Variants in SH3GL3 observed in about 807,000 individuals in gnomAD.
SH3GL3 encodes the protein endophilin-A3.
SH3GL3 carries 33 observed loss-of-function variants against 47.7 expected under a neutral mutation model. That is an observed-to-expected ratio of 0.69 (90% CI 0.52 to 0.92). The LOEUF is 0.92. SH3GL3 is among the 40% of genes least tolerant of loss of function. The pLI, the probability that SH3GL3 is intolerant of heterozygous loss-of-function variation, is 0.00. For synonymous variants in SH3GL3, 155 were observed against 148.8 expected (o/e 1.04, Z -0.30); for missense variants, 363 against 417.8 (o/e 0.87, Z 1.14).
chr15:83,491,537 A>C (rs1207208554), intron 1 of SH3GL3, among the ~76,000 whole-genome samples: 1 of 152,202 alleles, frequency 6.6e-6, no homozygotes, highest in Non-Finnish European at 1.5e-5. Context: ...GCTAAAGTGT[A>C]AATAGATTCA....
intron 1 of SH3GL3, among the ~76,000 whole-genome samples, chr15:83,465,362 A>G (rs1295213092): frequency 6.6e-6 from 1 of 151,764 alleles, no homozygotes; most frequent in Non-Finnish European, 1.5e-5. Flanking sequence ...ATCTCAGACC[A>G]TGTCATTCTT....
At chr15:83,610,638 G>C (rs113735083) in intron 8 of SH3GL3, among the ~76,000 whole-genome samples, 3 of 152,276 alleles carry the variant, frequency 2.0e-5, no homozygotes, top group African/African-American at 7.2e-5. Context: ...GATCAAGAAC[G>C]TGGACTCTCT....
chr15:83,508,284 AG>A (rs1228513255), intron 1 of SH3GL3, among the ~76,000 whole-genome samples: 1 of 151,968 alleles, frequency 6.6e-6, no homozygotes, highest in African/African-American at 2.4e-5. Context: ...TCTCATTGAG[AG>A]GGGGACATTT....
chr15:83,451,092 G>T, intron 1 of SH3GL3, among the ~76,000 whole-genome samples: 1 of 93,126 alleles, frequency 1.1e-5, no homozygotes, highest in Non-Finnish European at 2.1e-5. Context: ...TACTGAGAAT[G>T]ATGATTTCCA....
chr15:83,528,384 C>T (rs1472101391), intron 1 of SH3GL3, among the ~76,000 whole-genome samples: 4 of 152,126 alleles, frequency 2.6e-5, no homozygotes, highest in Admixed American at 6.5e-5. Flanking sequence ...TTGTTGAATA[C>T]GTTTTCTATG....
At chr15:83,521,276 C>T (rs928802936) in intron 1 of SH3GL3, among the ~76,000 whole-genome samples, 5 of 152,118 alleles carry the variant, frequency 3.3e-5, no homozygotes, top group South Asian at 2.1e-4. Flanking sequence ...ATACAGGAAC[C>T]GTGCTAAGTA....
chr15:83,589,032 T>C (rs1056446535), intron 8 of SH3GL3, among the ~76,000 whole-genome samples: 3 of 152,214 alleles, frequency 2.0e-5, no homozygotes, highest in Admixed American at 6.5e-5. Flanking sequence ...TTTTTAACTC[T>C]TTGAAAATAT....
chr15:83,608,886 C>T (rs1182636221), intron 8 of SH3GL3, among the ~76,000 whole-genome samples: 2 of 152,046 alleles, frequency 1.3e-5, no homozygotes, highest in African/African-American at 4.8e-5. Context: ...GCATGGACTC[C>T]CCTCATCAAT....
intron 1 of SH3GL3, among the ~76,000 whole-genome samples, chr15:83,501,101 G>A (rs1236141038): frequency 2.0e-5 from 3 of 152,152 alleles, no homozygotes; most frequent in African/African-American, 4.8e-5. Context: ...TTCACCTGAC[G>A]TTTTTAGTGT....
chr15:83,512,232 G>A (rs1216453101), intron 1 of SH3GL3, among the ~76,000 whole-genome samples: 2 of 152,048 alleles, frequency 1.3e-5, no homozygotes, highest in East Asian at 1.9e-4. Flanking sequence ...GGGTGAGATC[G>A]CTTTTCTGTA....
At chr15:83,613,576 G>C (rs188379196) in intron 8 of SH3GL3, among the ~76,000 whole-genome samples, 1 of 152,214 alleles carries the variant, frequency 6.6e-6, no homozygotes, top group Admixed American at 6.5e-5. Flanking sequence ...AAGCATTTTG[G>C]TCATTGCAGG....
intron 1 of SH3GL3, among the ~76,000 whole-genome samples, chr15:83,507,675 A>G (rs1208566582): frequency 6.6e-6 from 1 of 151,936 alleles, no homozygotes; most frequent in African/African-American, 2.4e-5. Context: ...CTGGCTTCCA[A>G]AAGTGCTGGG....
chr15:83,453,398 G>T (rs2039868133), intron 1 of SH3GL3, among the ~76,000 whole-genome samples: 2 of 90,752 alleles, frequency 2.2e-5, no homozygotes, highest in African/African-American at 4.3e-5. Flanking sequence ...GTTCCTCCTT[G>T]TACCTCTGGT....
chr15:83,619,340 G>A (rs1196764363), downstream of SH3GL3, among the ~76,000 whole-genome samples: 1 of 152,102 alleles, frequency 6.6e-6, no homozygotes, highest in African/African-American at 2.4e-5. Flanking sequence ...AAATTCTGGG[G>A]GTTTCCCAGT....
intron 8 of SH3GL3, among the ~76,000 whole-genome samples, chr15:83,605,582 A>T (rs2060493567): frequency 6.8e-6 from 1 of 147,298 alleles, no homozygotes; most frequent in South Asian, 2.1e-4. Context: ...AAAGAACATA[A>T]GTCAATTAAG....
intron 1 of SH3GL3, among the ~76,000 whole-genome samples, chr15:83,480,424 G>T (rs1478629458): frequency 6.6e-6 from 1 of 152,224 alleles, no homozygotes; most frequent in Non-Finnish European, 1.5e-5. Context: ...TTTCACAGAT[G>T]AGAAAACTGA....
downstream of SH3GL3, among the ~76,000 whole-genome samples, chr15:83,623,672 G>A (rs1348022462): frequency 6.6e-6 from 1 of 152,214 alleles, no homozygotes; most frequent in Non-Finnish European, 1.5e-5. Context: ...GGATATTAAT[G>A]TATTGCAGTT....
At chr15:83,557,578 T>G (rs564355431) in intron 1 of SH3GL3, among the ~76,000 whole-genome samples, 5 of 152,224 alleles carry the variant, frequency 3.3e-5, no homozygotes, top group African/African-American at 1.2e-4. Flanking sequence ...AGCTGGGGTC[T>G]CTCACGTTAC....
chr15:83,613,667 C>CTATG (rs2060735293), intron 8 of SH3GL3, among the ~76,000 whole-genome samples: 1 of 150,176 alleles, frequency 6.7e-6, no homozygotes, highest in South Asian at 2.1e-4. Flanking sequence ...ATCTATCTAT[C>CTATG]TATCTATCAT....
Sources: gnomAD v4.1 joint callset for allele counts (sites outside exome capture counted in the v4.1 genomes callset) on GRCh38, gnomAD v4.1.1 for gene constraint, MANE v1.5 for transcripts, NCBI Gene and HGNC (gene_info 2026-07-23, HGNC 2026-07-21) for gene names.